CEP112: variants seen among roughly 807,000 people sequenced by gnomAD.
CEP112 encodes centrosomal protein 112.
CEP112 carries 127 observed loss-of-function variants against 153.0 expected under a neutral mutation model. That is an observed-to-expected ratio of 0.83 (90% CI 0.72 to 0.96). The LOEUF (loss-of-function observed/expected upper bound fraction) is 0.96, where lower values mean the gene tolerates loss of function less well. CEP112 is among the 40% of genes least tolerant of loss of function. CEP112 has a pLI of 0.00. For synonymous variants in CEP112, 358 were observed against 374.4 expected (o/e 0.96, Z 0.51); for missense variants, 1,089 against 1,101.2 (o/e 0.99, Z 0.16).
chr17:66,043,234 G>C (rs954521185), intron 12 of CEP112: 2 of 175,946 alleles, frequency 1.1e-5, no homozygotes, highest in Non-Finnish European at 2.2e-5. Context: ...ATCAGACAAA[G>C]GTAGCATTAG....
chr17:65,708,611 T>C (rs1009010860), intron 23 of CEP112, among the ~76,000 whole-genome samples: 1 of 152,144 alleles, frequency 6.6e-6, no homozygotes, highest in African/African-American at 2.4e-5. Context: ...TGGAGACAGT[T>C]CTTCTCTTGC....
At chr17:65,870,461 T>C (rs915410032) in intron 20 of CEP112, among the ~76,000 whole-genome samples, 7 of 152,172 alleles carry the variant, frequency 4.6e-5, no homozygotes, top group Admixed American at 1.3e-4. Flanking sequence ...AAAATAGCTA[T>C]GTAGAAGCAT....
chr17:65,692,141 G>A (rs1288023109), intron 23 of CEP112, among the ~76,000 whole-genome samples: 1 of 151,722 alleles, frequency 6.6e-6, no homozygotes, highest in Non-Finnish European at 1.5e-5. Context: ...TTCCATCTAT[G>A]TTAGAGAGGA....
chr17:65,759,478 A>T (rs1207826264), intron 21 of CEP112, among the ~76,000 whole-genome samples: 2 of 152,196 alleles, frequency 1.3e-5, no homozygotes, highest in Admixed American at 1.3e-4. Context: ...AAAAATATTT[A>T]GAAAATTTAT....
At chr17:65,777,811 A>C (rs1279390702) in intron 21 of CEP112, among the ~76,000 whole-genome samples, 1 of 152,160 alleles carries the variant, frequency 6.6e-6, no homozygotes, top group South Asian at 2.1e-4. Flanking sequence ...ATTTCAGCAT[A>C]TATTTTCAAA....
intron 23 of CEP112, among the ~76,000 whole-genome samples, chr17:65,696,014 A>C (rs1326019129): frequency 1.3e-5 from 2 of 152,230 alleles, no homozygotes; most frequent in Non-Finnish European, 2.9e-5. Context: ...CTTGCAAATC[A>C]AGACAGAATC....
intron 21 of CEP112, among the ~76,000 whole-genome samples, chr17:65,810,216 C>G (rs1244148528): frequency 3.9e-5 from 6 of 152,142 alleles, no homozygotes; most frequent in African/African-American, 1.4e-4. Flanking sequence ...AGACGTGGCA[C>G]AGTGATTGAA....
At chr17:66,188,336 C>T (rs913432996) in intron 1 of CEP112, among the ~76,000 whole-genome samples, 5 of 147,382 alleles carry the variant, frequency 3.4e-5, no homozygotes, top group African/African-American at 5.0e-5. Context: ...CTTTGCCTAA[C>T]TACACCAACC....
At chr17:66,085,832 C>A (rs2067903479) in intron 8 of CEP112, among the ~76,000 whole-genome samples, 1 of 151,916 alleles carries the variant, frequency 6.6e-6, no homozygotes, top group Non-Finnish European at 1.5e-5. Context: ...CAAAAAATAG[C>A]CGGGCATGGT....
intron 23 of CEP112, among the ~76,000 whole-genome samples, chr17:65,692,463 G>A (rs2048158834): frequency 6.6e-6 from 1 of 152,040 alleles, no homozygotes; most frequent in Non-Finnish European, 1.5e-5. Flanking sequence ...TCCTGTCCTT[G>A]TGATCCACCC....
Position 65,640,246 on chromosome 17 carries a change from G to A in CEP112, c.2799+718C>T, listed in dbSNP as rs550765818. ...TCGGCTCACTGCAACCTCTGCCTCT[G>A]GGGTTCAAGTGATTCTCCTGCCTCA... On this transcript the variant is annotated intron_variant, in intron 25 of 26. Coordinates refer to ENST00000535342, the MANE Select transcript of CEP112 (RefSeq NM_001199165.4). Among the ~76,000 whole-genome samples, 7 of 139,166 alleles carry A rather than the reference G, an allele frequency of 5.0e-5. No individual in the cohort carries two copies. The South Asian group carries it at 9.0e-4, about 18-fold the overall frequency. 91.3% of individuals were successfully genotyped at this position (139,166 alleles called of 152,430 possible).
intron 19 of CEP112, among the ~76,000 whole-genome samples, chr17:65,911,811 T>C (rs778378573): frequency 3.3e-5 from 5 of 152,242 alleles, no homozygotes; most frequent in Non-Finnish European, 7.3e-5. Flanking sequence ...TGTCTATATA[T>C]CTACTTATCC....
chr17:65,649,255 T>C (rs1265452715), intron 24 of CEP112, among the ~76,000 whole-genome samples: 1 of 152,226 alleles, frequency 6.6e-6, no homozygotes, highest in Non-Finnish European at 1.5e-5. Context: ...CAAGTTATTT[T>C]ATTGCAAGCT....
chr17:65,670,901 G>C (rs1439125017), intron 24 of CEP112, among the ~76,000 whole-genome samples: 1 of 149,042 alleles, frequency 6.7e-6, no homozygotes, highest in Non-Finnish European at 1.5e-5. Flanking sequence ...GTGGGCGGGG[G>C]GGGCGGGGCA....
In CEP112 at chr17:66,063,082, C is replaced by T. The variant is rs1364769915; in HGVS notation, c.956-1G>A. 7 of 1,516,420 alleles carry T rather than the reference C, an allele frequency of 4.6e-6. No homozygotes were observed. Among genetic ancestry groups the T allele is most frequent in the Non-Finnish European group, 6.2e-6 (7 of 1,127,054 alleles). The allele number at this position is 1,516,420 out of a possible 1,614,324, so 93.9% of individuals were successfully genotyped here. ...TGACAGTCACGTATCAGTGTCTGAA[C>T]TGTCAAAAATTTTGAAAACATAGTT... On this transcript the variant is annotated splice_acceptor_variant, in intron 10 of 26. Coordinates refer to ENST00000535342, the MANE Select transcript of CEP112 (RefSeq NM_001199165.4). LOFTEE classifies it high-confidence loss of function.
At chr17:66,101,142 C>T (rs542716399) in intron 6 of CEP112, among the ~76,000 whole-genome samples, 6 of 152,034 alleles carry the variant, frequency 3.9e-5, no homozygotes, top group Admixed American at 1.3e-4. Flanking sequence ...ATTCTCTGGA[C>T]CCTCAGTCAA....
At chr17:65,762,856 A>G (rs1459687073) in intron 21 of CEP112, among the ~76,000 whole-genome samples, 1 of 152,036 alleles carries the variant, frequency 6.6e-6, no homozygotes, top group African/African-American at 2.4e-5. Flanking sequence ...TGTTAGGTCA[A>G]TTATGAAGAA....
intron 21 of CEP112, among the ~76,000 whole-genome samples, chr17:65,839,655 T>C (rs1254715518): frequency 6.6e-6 from 1 of 151,940 alleles, no homozygotes; most frequent in Non-Finnish European, 1.5e-5. Flanking sequence ...ACAGATAGTA[T>C]TGGGAGTCCT....
chr17:65,822,158 C>T (rs1212155182), intron 21 of CEP112, among the ~76,000 whole-genome samples: 1 of 151,700 alleles, frequency 6.6e-6, no homozygotes, highest in Non-Finnish European at 1.5e-5. Context: ...CTACATCCTA[C>T]TACAGTAGGA....
Sources: gnomAD v4.1 joint callset for allele counts (sites outside exome capture counted in the v4.1 genomes callset) on GRCh38, gnomAD v4.1.1 for gene constraint, MANE v1.5 for transcripts, NCBI Gene and HGNC (gene_info 2026-07-23, HGNC 2026-07-21) for gene names.